RASEF: variants seen among roughly 807,000 people sequenced by gnomAD.
RASEF encodes the protein RAS and EF-hand domain containing, also known as ras and EF-hand domain-containing protein.
RASEF carries 68 observed loss-of-function variants against 90.1 expected under a neutral mutation model. The observed-to-expected ratio is 0.75, with a 90% CI of 0.62 to 0.92. The LOEUF (loss-of-function observed/expected upper bound fraction) is 0.92, where lower values mean the gene tolerates loss of function less well. RASEF is among the 40% of genes least tolerant of loss of function. The probability of loss-of-function intolerance (pLI) is 0.00; values close to 1 mark genes in which losing one functional copy is unlikely to be tolerated. For synonymous variants in RASEF, 331 were observed against 345.2 expected, an observed-to-expected ratio of 0.96 and a Z score of 0.46; for missense variants, 949 against 937.2, an observed-to-expected ratio of 1.01 and a Z score of -0.16.
the RASEF span, among the ~76,000 whole-genome samples, chr9:83,178,290 A>T: frequency 6.6e-6 from 1 of 152,310 alleles, no homozygotes; most frequent in Non-Finnish European, 1.5e-5. Flanking sequence ...ACACCTGCTA[A>T]TTGACAAATC....
At chr9:83,170,132 A>G in the RASEF span, among the ~76,000 whole-genome samples, 13 of 152,048 alleles carry the variant, frequency 8.5e-5, no homozygotes, top group Non-Finnish European at 1.6e-4. Context: ...GTCTAGTTTC[A>G]TTCTTCTGAA....
At chr9:83,174,295 T>G in the RASEF span, among the ~76,000 whole-genome samples, 31,818 of 151,972 alleles carry the variant, frequency 0.21, 3,468 homozygotes, top group African/African-American at 0.26. Context: ...GTTCATATTT[T>G]CAGTCCATTT....
At chr9:83,088,020 T>C in the RASEF span, among the ~76,000 whole-genome samples, 1 of 152,194 alleles carries the variant, frequency 6.6e-6, no homozygotes, top group Non-Finnish European at 1.5e-5. Context: ...TATTTAGGAA[T>C]GTGTTATTTA....
At chr9:83,072,310 T>G in the RASEF span, among the ~76,000 whole-genome samples, 2 of 152,218 alleles carry the variant, frequency 1.3e-5, no homozygotes, top group African/African-American at 4.8e-5. Context: ...TGCACTATTT[T>G]TAAGACTCCA....
At chr9:83,110,319 A>G in the RASEF span, among the ~76,000 whole-genome samples, 1 of 152,082 alleles carries the variant, frequency 6.6e-6, no homozygotes, top group African/African-American at 2.4e-5. Flanking sequence ...CCCCTTCCCA[A>G]TTGGCTTGAG....
chr9:83,063,353 C>T (rs1177758489), upstream of RASEF, among the ~76,000 whole-genome samples: 2 of 152,208 alleles, frequency 1.3e-5, no homozygotes, highest in Non-Finnish European at 2.9e-5. Context: ...CAGGTAGAGC[C>T]CAGCGCTCCG....
intron 16 of RASEF, among the ~76,000 whole-genome samples, chr9:82,983,815 G>T (rs1828663561): frequency 6.6e-6 from 1 of 152,236 alleles, no homozygotes; most frequent in Non-Finnish European, 1.5e-5. Context: ...GAGGCCACCA[G>T]AGTGGCCCTG....
intron 1 of RASEF, among the ~76,000 whole-genome samples, chr9:83,038,023 G>A (rs1829774509): frequency 6.6e-6 from 1 of 151,996 alleles, no homozygotes; most frequent in African/African-American, 2.4e-5. Flanking sequence ...AAGATCTTTT[G>A]AGGGTCTTCC....
chr9:83,089,894 ATAG>A, the RASEF span, among the ~76,000 whole-genome samples: 27 of 18,390 alleles, frequency 1.5e-3, no homozygotes, highest in Admixed American at 0.015. Context: ...TAGATAGATG[ATAG>A]ATAGATAGAT....
chr9:83,102,407 G>C, the RASEF span, among the ~76,000 whole-genome samples: 1 of 152,160 alleles, frequency 6.6e-6, no homozygotes, highest in Admixed American at 6.5e-5. Context: ...GACCTTAGCT[G>C]CCAATACACA....
At chr9:83,068,496 G>A in the RASEF span, among the ~76,000 whole-genome samples, 1 of 152,226 alleles carries the variant, frequency 6.6e-6, no homozygotes, top group African/African-American at 2.4e-5. Context: ...ATGTCACCCT[G>A]CTGACAGCCA....
At chr9:83,167,089 G>A in the RASEF span, among the ~76,000 whole-genome samples, 3 of 152,092 alleles carry the variant, frequency 2.0e-5, no homozygotes, top group Middle Eastern at 3.2e-3. Flanking sequence ...TGGGATCAAA[G>A]TAGCACTTTT....
chr9:83,088,853 A>T, the RASEF span, among the ~76,000 whole-genome samples: 17 of 151,976 alleles, frequency 1.1e-4, no homozygotes, highest in Non-Finnish European at 2.4e-4. Flanking sequence ...ATAGAGTTGT[A>T]TCATTTTTAT....
chr9:83,020,108 A>C (rs997787738), intron 3 of RASEF, among the ~76,000 whole-genome samples: 2 of 152,028 alleles, frequency 1.3e-5, no homozygotes, highest in Non-Finnish European at 2.9e-5. Flanking sequence ...AAGCTGTTAC[A>C]GTTAAAAAAA....
chr9:83,218,935 G>C, the RASEF span, among the ~76,000 whole-genome samples: 13 of 152,288 alleles, frequency 8.5e-5, no homozygotes, highest in East Asian at 2.5e-3. Context: ...TTGCTAGGCA[G>C]GTAGACCTCA....
intron 6 of RASEF, among the ~76,000 whole-genome samples, chr9:83,009,333 C>T (rs912478330): frequency 1.3e-5 from 2 of 152,042 alleles, no homozygotes; most frequent in Non-Finnish European, 2.9e-5. Flanking sequence ...GGCCAGGATT[C>T]CTGACTTCAA....
chr9:83,084,256 T>C, the RASEF span, among the ~76,000 whole-genome samples: 1 of 152,226 alleles, frequency 6.6e-6, no homozygotes, highest in Non-Finnish European at 1.5e-5. Flanking sequence ...ATTATGAAGA[T>C]CCTAAATTAG....
chr9:82,986,406 G>A (rs1828712699), intron 16 of RASEF, among the ~76,000 whole-genome samples: 1 of 152,188 alleles, frequency 6.6e-6, no homozygotes. Context: ...TACAAGGCCA[G>A]TCTTTAAATC....
chr9:83,062,521 G>A lies in RASEF; in HGVS notation c.347C>T (p.Ala116Val). The change falls in exon 1 of 17, where the codon GCC (alanine) becomes GTC (valine). Residue 116 changes from alanine (A) to valine (V), a missense_variant. By Grantham distance (64) the Ala-to-Val change is moderately conservative. Coordinates refer to ENST00000376447, the MANE Select transcript of RASEF (RefSeq NM_152573.4). ...EGDEDAAAAL[A>V]TSCGPASPGR... is the part of the protein sequence containing the mutation. ...GGGACTCGCCGGGCCGCACGAGGTG[G>A]CCAGCGCCGCCGCCGCGTCCTCGTC... The A allele has an allele frequency of 6.2e-7, 1 of 1,608,618 alleles. No homozygotes were observed. Among genetic ancestry groups the A allele is most frequent in the Non-Finnish European group, 8.5e-7 (1 of 1,178,090 alleles).
Sources: allele counts gnomAD v4.1 joint callset (sites outside exome capture counted in the v4.1 genomes callset), GRCh38; gene constraint gnomAD v4.1.1; transcripts MANE v1.5; gene names NCBI Gene and HGNC (gene_info 2026-07-23, HGNC 2026-07-21).